SPATA13: variants seen among roughly 807,000 people sequenced by gnomAD.
SPATA13 encodes spermatogenesis associated 13, also known as spermatogenesis-associated protein 13.
A neutral mutation model predicts 104.0 loss-of-function variants in SPATA13; 50 were observed. The observed-to-expected ratio is 0.48, with a 90% CI of 0.38 to 0.61. The LOEUF is 0.61. Ranked by LOEUF, SPATA13 falls within the 20% of genes least tolerant of loss-of-function variation. The pLI, the probability that SPATA13 is intolerant of heterozygous loss-of-function variation, is 0.00. For synonymous variants in SPATA13, 606 were observed against 667.5 expected, an observed-to-expected ratio of 0.91 and a Z score of 1.42; for missense variants, 1,524 against 1,690.6, an observed-to-expected ratio of 0.90 and a Z score of 1.73.
intron 8 of SPATA13, among the ~76,000 whole-genome samples, chr13:24,290,291 C>T (rs1423103552): frequency 6.6e-6 from 1 of 152,164 alleles, no homozygotes; most frequent in Admixed American, 6.5e-5. Flanking sequence ...AAACTGCATA[C>T]ATGGTTTTCA....
chr13:24,058,908 A>C (rs544920115), intron 3 of SPATA13, among the ~76,000 whole-genome samples: 13 of 151,702 alleles, frequency 8.6e-5, no homozygotes, highest in Non-Finnish European at 1.3e-4. Context: ...AATGATGCCA[A>C]CTCTGTCTCA....
chr13:24,047,766 G>A (rs530074462), intron 3 of SPATA13, among the ~76,000 whole-genome samples: 1 of 152,292 alleles, frequency 6.6e-6, no homozygotes, highest in East Asian at 1.9e-4. Context: ...AATAGAATCT[G>A]TATAGATATA....
chr13:24,276,375 C>A (rs1459502478), intron 4 of SPATA13, among the ~76,000 whole-genome samples: 2 of 152,140 alleles, frequency 1.3e-5, no homozygotes, highest in African/African-American at 4.8e-5. Flanking sequence ...ATGTCAAGGA[C>A]ATTATGCTTA....
intron 3 of SPATA13, among the ~76,000 whole-genome samples, chr13:24,018,340 C>T (rs1221157490): frequency 6.6e-6 from 1 of 152,092 alleles, no homozygotes; most frequent in East Asian, 1.9e-4. Flanking sequence ...TGCAAAAGAT[C>T]GTTTTTTCCA....
At chr13:24,162,126 C>CT (rs1252627221) in intron 1 of SPATA13, among the ~76,000 whole-genome samples, 4 of 152,192 alleles carry the variant, frequency 2.6e-5, no homozygotes, top group African/African-American at 9.7e-5. Flanking sequence ...TTTCATGTGG[C>CT]TTTGTCTTAT....
chr13:24,190,001 A>ACG (rs1869517330), intron 1 of SPATA13, among the ~76,000 whole-genome samples: 1 of 81,626 alleles, frequency 1.2e-5, no homozygotes, highest in African/African-American at 5.8e-5. Context: ...ATAACATATA[A>ACG]TAATATATTA....
intron 3 of SPATA13, among the ~76,000 whole-genome samples, chr13:24,085,698 G>A (rs527346379): frequency 2.0e-5 from 3 of 152,300 alleles, no homozygotes; most frequent in Admixed American, 6.5e-5. Context: ...CCCGTGCTGG[G>A]CAGTGAAGAG....
intron 4 of SPATA13, among the ~76,000 whole-genome samples, chr13:24,281,599 G>A (rs1041289924): frequency 2.6e-5 from 4 of 151,862 alleles, no homozygotes; most frequent in African/African-American, 9.7e-5. Flanking sequence ...AATCACAGAA[G>A]GGTTCTGGAA....
At chr13:24,213,826 C>G (rs1871151411) in intron 1 of SPATA13, among the ~76,000 whole-genome samples, 1 of 152,166 alleles carries the variant, frequency 6.6e-6, no homozygotes, top group Non-Finnish European at 1.5e-5. Context: ...GTCTTCAAGT[C>G]TGAACAAGTG....
intron 3 of SPATA13, among the ~76,000 whole-genome samples, chr13:24,147,571 A>C (rs1008626856): frequency 1.3e-5 from 2 of 152,148 alleles, no homozygotes; most frequent in African/African-American, 2.4e-5. Context: ...TCAAGCTGTT[A>C]AGCCCCTTCC....
intron 3 of SPATA13, among the ~76,000 whole-genome samples, chr13:24,121,445 T>C (rs113512680): frequency 0.011 from 1,682 of 152,318 alleles, 36 homozygotes; most frequent in African/African-American, 0.038. Context: ...CTTGTTTCAA[T>C]ATGAAAGTGC....
intron 4 of SPATA13, among the ~76,000 whole-genome samples, chr13:24,276,775 T>TATTA (rs1339465322): frequency 1.3e-5 from 2 of 152,238 alleles, no homozygotes. Context: ...AAGTCATCAT[T>TATTA]ATTAACTTTC....
chr13:24,269,743 T>TTA (rs1874473818), intron 4 of SPATA13, among the ~76,000 whole-genome samples: 1 of 57,982 alleles, frequency 1.7e-5, no homozygotes, highest in Non-Finnish European at 2.9e-5. Context: ...TAATATAAAT[T>TTA]TTTTTTTTTT....
upstream of SPATA13, among the ~76,000 whole-genome samples, chr13:24,157,253 A>G (rs756143473): frequency 9.2e-5 from 14 of 152,112 alleles, no homozygotes; most frequent in Non-Finnish European, 2.1e-4. Context: ...GGAGTCTACC[A>G]ATGGATTTCT....
chr13:24,032,042 G>A (rs1410136152), intron 3 of SPATA13, among the ~76,000 whole-genome samples: 1 of 152,140 alleles, frequency 6.6e-6, no homozygotes, highest in South Asian at 2.1e-4. Context: ...CAAAAATTCA[G>A]TTTTTGCAAG....
At chr13:24,287,408 C>T (rs533119510) in intron 7 of SPATA13, among the ~76,000 whole-genome samples, 3 of 152,346 alleles carry the variant, frequency 2.0e-5, no homozygotes, top group Admixed American at 6.5e-5. Flanking sequence ...AGCACTTTTC[C>T]TGCCTTGATT....
chr13:24,269,783 C>T (rs1189387634), intron 4 of SPATA13, among the ~76,000 whole-genome samples: 1 of 132,146 alleles, frequency 7.6e-6, no homozygotes, highest in African/African-American at 2.9e-5. Context: ...GAGACAGGAC[C>T]TTGCTATGTT....
At chr13:24,217,829 A>T (rs965625427) in intron 1 of SPATA13, among the ~76,000 whole-genome samples, 4 of 152,130 alleles carry the variant, frequency 2.6e-5, no homozygotes, top group African/African-American at 9.7e-5. Context: ...CAGAGACACC[A>T]CAGCTGCTGC....
In SPATA13 at chr13:24,286,259, C is replaced by A. The variant is rs752186774; in HGVS notation, c.2347C>A (p.His783Asn). The A allele has an allele frequency of 1.2e-6, 2 of 1,613,992 alleles. No homozygotes were observed. The highest frequency in any genetic ancestry group is 3.3e-5 in the Admixed American group (2 of 60,020). Residue 783 changes from histidine (H) to asparagine (N), a missense_variant, in exon 6 of 13, where the codon CAT becomes AAT. Physicochemically the swap from His to Asn is moderately conservative, Grantham distance 68. Around this residue, in one of 2 missense-constraint regions of SPATA13, gnomAD observed 1,089 missense variants for 1,135.9 expected, o/e 0.96. Transcript: ENST00000382108. The surrounding 1 kb of genome is among the most constrained non-coding windows in gnomAD (Gnocchi z 4.9). Reference protein sequence around the residue: ...NVVCAEALWDHVTMDDQELGF... With the variant: ...NVVCAEALWDNVTMDDQELGF... ...GGTCTGCGCAGAAGCCCTGTGGGAC[C>A]ATGTGACCATGGATGACCAGGAACT...
Sources: gnomAD v4.1 joint callset for allele counts (sites outside exome capture counted in the v4.1 genomes callset) on GRCh38, gnomAD v4.1.1 for gene constraint, gnomAD v4.1.1 regional missense constraint, Gnocchi (gnomAD v3.1) non-coding constraint, MANE v1.5 for transcripts, NCBI Gene and HGNC (gene_info 2026-07-23, HGNC 2026-07-21) for gene names.